The following CLDN16 variants were observed in gnomAD, a reference collection of about 807,000 sequenced individuals.
CLDN16 encodes the protein claudin-16.
A neutral mutation model predicts 24.6 loss-of-function variants in CLDN16; 13 were observed. That is an observed-to-expected ratio of 0.53 (90% confidence interval 0.34 to 0.84). The LOEUF is 0.84. Among genes scored for constraint, CLDN16 ranks in the 40% least tolerant of loss-of-function variants. CLDN16 has a pLI of 0.01. For missense variants in CLDN16, 298 were observed against 292.7 expected, an observed-to-expected ratio of 1.02 and a Z score of -0.13; for synonymous variants, 116 against 106.7, an observed-to-expected ratio of 1.09 and a Z score of -0.54.
chr3:190,311,608 T>A, the CLDN16 span, among the ~76,000 whole-genome samples: 17 of 151,104 alleles, frequency 1.1e-4, no homozygotes, highest in Middle Eastern at 7.1e-3. Context: ...GTTATTTTTT[T>A]AAAATAATAT....
At chr3:190,325,032 C>T (rs1225920806) in intron 1 of CLDN16, among the ~76,000 whole-genome samples, 2 of 152,110 alleles carry the variant, frequency 1.3e-5, no homozygotes, top group African/African-American at 4.8e-5. Flanking sequence ...GTTTCCCTAC[C>T]AATAAAAGGG....
At chr3:190,399,048 T>C (rs1312096380) in intron 1 of CLDN16, among the ~76,000 whole-genome samples, 3 of 152,168 alleles carry the variant, frequency 2.0e-5, no homozygotes, top group African/African-American at 4.8e-5. Flanking sequence ...AGTCCAAGAA[T>C]TGTTTCCAAC....
Position 190,410,291 on chromosome 3 carries a change from A to G in CLDN16, c.*255A>G, listed in dbSNP as rs1465420183. 3 of 466,758 alleles carry G rather than the reference A, an allele frequency of 6.4e-6. No individual in the cohort carries two copies. Among genetic ancestry groups the G allele is most frequent in the Non-Finnish European group, 1.2e-5 (3 of 257,712 alleles). 28.9% of individuals were successfully genotyped at this position (466,758 alleles called of 1,614,324 possible). A position where few individuals can be genotyped will look rare whatever the true frequency, so the allele number is the denominator to read the frequency against. On this transcript the variant is annotated 3_prime_UTR_variant, in exon 5 of 5. Coordinates refer to ENST00000264734, the MANE Select transcript of CLDN16 (RefSeq NM_006580.4). Reference sequence around the variant, plus strand: ...TTTTAAGATAAGTCTGCTAGGATGTAGAAATATTTGTTTGTGATTTCTATA... The same window carrying G: ...TTTTAAGATAAGTCTGCTAGGATGTGGAAATATTTGTTTGTGATTTCTATA...
intron 1 of CLDN16, among the ~76,000 whole-genome samples, chr3:190,357,148 G>A (rs1247113791): frequency 6.6e-6 from 1 of 151,892 alleles, no homozygotes; most frequent in Admixed American, 6.6e-5. Context: ...CATTTTTACA[G>A]GGAATGTTCC....
At chr3:190,317,812 G>A (rs55733412), upstream of CLDN16, among the ~76,000 whole-genome samples, 832 of 152,244 alleles carry the variant, frequency 5.5e-3, 8 homozygotes, top group African/African-American at 0.019. Context: ...ATTCTTGATC[G>A]GTATTGGTTG....
intron 1 of CLDN16, among the ~76,000 whole-genome samples, chr3:190,389,867 C>G (rs1164879036): frequency 6.6e-6 from 1 of 151,876 alleles, no homozygotes; most frequent in African/African-American, 2.4e-5. Flanking sequence ...TTTTAAAATA[C>G]AAAAAAATGT....
chr3:190,371,016 T>TTATA (rs141854157), intron 2 of CLDN16: 97 of 13,872 alleles, frequency 7.0e-3, no homozygotes, highest in African/African-American at 0.013. Context: ...GTTAATACCT[T>TTATA]TATATATATA....
At chr3:190,308,377 C>G in the CLDN16 span, 1 of 1,613,728 alleles carries the variant, frequency 6.2e-7, no homozygotes, top group Non-Finnish European at 8.5e-7. Flanking sequence ...AAGTAGGGCA[C>G]CTCCCAGAAG....
chr3:190,404,423 C>T (rs75993223), intron 2 of CLDN16, among the ~76,000 whole-genome samples: 2,576 of 152,166 alleles, frequency 0.017, 88 homozygotes, highest in African/African-American at 0.059. Context: ...ATTCAGCAAT[C>T]GGCTACAATA....
At chr3:190,308,073 A>G in the CLDN16 span, 3 of 571,838 alleles carry the variant, frequency 5.2e-6, no homozygotes, top group Non-Finnish European at 6.1e-6. Context: ...CTTCCCTCCT[A>G]TATTGAGGAA....
At chr3:190,406,983 G>T (rs1465657324) in intron 3 of CLDN16, among the ~76,000 whole-genome samples, 1 of 151,880 alleles carries the variant, frequency 6.6e-6, no homozygotes, top group Non-Finnish European at 1.5e-5. Flanking sequence ...CTCGTGATCC[G>T]CCCGCCTCGG....
Position 190,342,005 on chromosome 3 carries a change from T to C in CLDN16, n.121+19344T>C, listed in dbSNP as rs561797761. Among the ~76,000 whole-genome samples, 52 of 152,340 alleles carry C rather than the reference T, an allele frequency of 3.4e-4. 1 individual carries two copies. The highest frequency in any genetic ancestry group is 1.2e-3 in the African/African-American group (50 of 41,576). On this transcript the variant is annotated intron_variant and non_coding_transcript_variant, in intron 1 of 4. Transcript: ENST00000468220. ...CATCTGAAACCACCTGAGCCTGGAC[T>C]TTATTTTCCATATCACTATCAGCAT...
At chr3:190,322,257 G>C (rs1198668060), upstream of CLDN16, 1 of 1,565,076 alleles carries the variant, frequency 6.4e-7, no homozygotes, top group African/African-American at 1.4e-5. Flanking sequence ...GCAGAAGGCG[G>C]AGAGTTTGCA....
intron 1 of CLDN16, among the ~76,000 whole-genome samples, chr3:190,337,373 A>G (rs6801146): frequency 0.07 from 10,721 of 152,280 alleles, 564 homozygotes; most frequent in African/African-American, 0.14. Flanking sequence ...AGAAGAACTC[A>G]CCATTACGTG....
At chr3:190,348,576 G>A (rs796277479) in intron 1 of CLDN16, among the ~76,000 whole-genome samples, 5 of 152,252 alleles carry the variant, frequency 3.3e-5, no homozygotes, top group African/African-American at 1.2e-4. Context: ...ATGCTTTCAT[G>A]TCTGTTTATC....
At chr3:190,360,492 C>T (rs1717864421) in intron 1 of CLDN16, among the ~76,000 whole-genome samples, 2 of 151,942 alleles carry the variant, frequency 1.3e-5, no homozygotes, top group East Asian at 1.9e-4. Context: ...AGAAACTCAA[C>T]TGGTGTAATA....
the CLDN16 span, among the ~76,000 whole-genome samples, chr3:190,311,855 A>C: frequency 2.6e-5 from 4 of 151,976 alleles, no homozygotes; most frequent in African/African-American, 4.8e-5. Flanking sequence ...GCTTTGAAAT[A>C]ATGCTGTCCA....
chr3:190,324,672 C>T (rs548657405), intron 1 of CLDN16, among the ~76,000 whole-genome samples: 9 of 152,126 alleles, frequency 5.9e-5, no homozygotes, highest in East Asian at 3.9e-4. Context: ...CAGGTCTGTG[C>T]GAGGCTGATT....
chr3:190,409,802 T>A (rs533029914), intron 4 of CLDN16, 101 bp from the exon 5 acceptor site: 3 of 1,064,426 alleles, frequency 2.8e-6, no homozygotes, highest in Non-Finnish European at 2.8e-6. Flanking sequence ...TCTTTGAGTA[T>A]CTATATTCTT....
Sources: allele counts gnomAD v4.1 joint callset (sites outside exome capture counted in the v4.1 genomes callset), GRCh38; gene constraint gnomAD v4.1.1; transcripts MANE v1.5; gene names NCBI Gene and HGNC (gene_info 2026-07-23, HGNC 2026-07-21).